Variants in AGMO observed in about 807,000 individuals in gnomAD.
AGMO encodes alkylglycerol monooxygenase.
In AGMO, 75 loss-of-function variants were observed where a neutral mutation model predicts 60.2. The observed-to-expected ratio is 1.25, with a 90% CI of 1.03 to 1.51. The LOEUF is 1.51. Among genes scored for constraint, AGMO ranks in the 40% most tolerant of loss-of-function variants. The pLI, the probability that AGMO is intolerant of heterozygous loss-of-function variation, is 0.00. For synonymous variants in AGMO, 261 were observed against 177.1 expected, an observed-to-expected ratio of 1.47 and a Z score of -3.76; for missense variants, 763 against 525.5, an observed-to-expected ratio of 1.45 and a Z score of -4.42.
chr7:15,197,041 A>G (rs1474158716), downstream of AGMO, among the ~76,000 whole-genome samples: 5 of 148,966 alleles, frequency 3.4e-5, no homozygotes, highest in South Asian at 6.3e-4. Context: ...AATGAATAGA[A>G]CGTTTTTTGT....
chr7:15,329,493 C>A (rs1261446788), intron 12 of AGMO, among the ~76,000 whole-genome samples: 4 of 152,136 alleles, frequency 2.6e-5, no homozygotes, highest in African/African-American at 9.7e-5. Context: ...ACAAAAAATA[C>A]GTCCTTAGTG....
At chr7:15,304,357 A>G (rs557404871) in intron 12 of AGMO, among the ~76,000 whole-genome samples, 2 of 151,948 alleles carry the variant, frequency 1.3e-5, no homozygotes, top group Non-Finnish European at 2.9e-5. Flanking sequence ...GTACCCAGCA[A>G]ACAGCTGTGG....
the AGMO span, among the ~76,000 whole-genome samples, chr7:15,143,818 A>G: frequency 6.6e-6 from 1 of 152,072 alleles, no homozygotes; most frequent in Non-Finnish European, 1.5e-5. Flanking sequence ...AGATTTTGAG[A>G]ATAGCTTTGG....
chr7:15,176,422 G>A, the AGMO span, among the ~76,000 whole-genome samples: 11 of 151,814 alleles, frequency 7.2e-5, no homozygotes, highest in Non-Finnish European at 1.3e-4. Flanking sequence ...TTTCTTCTTT[G>A]CAATCAGAAA....
intron 12 of AGMO, among the ~76,000 whole-genome samples, chr7:15,289,127 T>G (rs1784184297): frequency 1.3e-5 from 2 of 152,100 alleles, no homozygotes; most frequent in East Asian, 1.9e-4. Context: ...CAAAAAAAAA[T>G]CTTTACTGTT....
intron 10 of AGMO, among the ~76,000 whole-genome samples, chr7:15,369,959 A>G (rs954202095): frequency 2.0e-5 from 3 of 152,112 alleles, no homozygotes; most frequent in African/African-American, 7.2e-5. Flanking sequence ...GGTTTGTTAC[A>G]TTAGTATATT....
At chr7:15,348,057 A>T (rs1357154643) in intron 12 of AGMO, among the ~76,000 whole-genome samples, 2 of 152,090 alleles carry the variant, frequency 1.3e-5, no homozygotes, top group Non-Finnish European at 2.9e-5. Flanking sequence ...TTGATCTTCC[A>T]GGGTAACTTG....
intron 12 of AGMO, among the ~76,000 whole-genome samples, chr7:15,289,202 G>C (rs1046517842): frequency 2.0e-5 from 3 of 151,368 alleles, no homozygotes; most frequent in East Asian, 3.9e-4. Context: ...TTTGCTTTTT[G>C]TTTTGCATTA....
At chr7:15,250,872 G>A (rs914473964) in intron 12 of AGMO, among the ~76,000 whole-genome samples, 1 of 151,916 alleles carries the variant, frequency 6.6e-6, no homozygotes, top group Non-Finnish European at 1.5e-5. Flanking sequence ...TTGAACCCGG[G>A]AGGCAGACGT....
the AGMO span, among the ~76,000 whole-genome samples, chr7:15,131,757 A>AACACACACACACACAC: frequency 1.4e-4 from 21 of 146,360 alleles, no homozygotes; most frequent in Middle Eastern, 3.5e-3. Context: ...CAAAGAAATT[A>AACACACACACACACAC]ACACACACAC....
intron 12 of AGMO, among the ~76,000 whole-genome samples, chr7:15,354,473 CACACGTGTGTATAT>C (rs1782428863): frequency 1.8e-4 from 3 of 17,104 alleles, no homozygotes; most frequent in Admixed American, 6.9e-4. Context: ...TGTGTGTATA[CACACGTGTGTATAT>C]ACACACGTGT....
At chr7:15,299,502 G>C (rs913744520) in intron 12 of AGMO, among the ~76,000 whole-genome samples, 2 of 152,008 alleles carry the variant, frequency 1.3e-5, no homozygotes, top group Non-Finnish European at 2.9e-5. Flanking sequence ...CATTCACTAA[G>C]GGCTAATGCT....
chr7:15,223,555 G>A (rs890252166), intron 12 of AGMO, among the ~76,000 whole-genome samples: 7 of 151,998 alleles, frequency 4.6e-5, no homozygotes, highest in Non-Finnish European at 1.0e-4. Context: ...TGTCCAATAA[G>A]GGAGAAATAT....
At chr7:15,290,576 C>T (rs1381421095) in intron 12 of AGMO, among the ~76,000 whole-genome samples, 2 of 152,102 alleles carry the variant, frequency 1.3e-5, no homozygotes, top group Non-Finnish European at 2.9e-5. Flanking sequence ...CCATCTTGAA[C>T]ATAAGGAACA....
At position 15,268,487 on chromosome 7, in the gene AGMO, T is replaced by C. The variant is rs116112025; in HGVS notation, c.1264-67128A>G. Among the ~76,000 whole-genome samples, 441 of 152,116 alleles carry C rather than the reference T, an allele frequency of 2.9e-3. 3 individuals are homozygous for C. The highest frequency in any genetic ancestry group is 0.01 in the African/African-American group (420 of 41,536). On this transcript the variant is annotated intron_variant, in intron 12 of 12. Transcript: ENST00000342526. ...AAGAAAAATGTATGCATGCATTCCA[T>C]ATGGTCATGCAATTATATTTATTGT... is the stretch of plus-strand genomic sequence containing the variant.
At chr7:15,344,731 C>A (rs976117143) in intron 12 of AGMO, among the ~76,000 whole-genome samples, 1 of 152,074 alleles carries the variant, frequency 6.6e-6, no homozygotes, top group Non-Finnish European at 1.5e-5. Context: ...CACGTGGATG[C>A]AGATTTTCTT....
intron 9 of AGMO, among the ~76,000 whole-genome samples, chr7:15,386,199 A>AAAC (rs1554264713): frequency 6.6e-6 from 1 of 151,552 alleles, no homozygotes; most frequent in Admixed American, 6.6e-5. Flanking sequence ...AAAAGAAAAA[A>AAAC]AAGGTGATCT....
intron 3 of AGMO, among the ~76,000 whole-genome samples, chr7:15,489,091 A>C (rs2128520222): frequency 6.6e-6 from 1 of 152,300 alleles, no homozygotes; most frequent in East Asian, 1.9e-4. Flanking sequence ...CACTGCCATA[A>C]AAACATGAAC....
chr7:15,366,538 T>C (rs1165346062), intron 10 of AGMO, among the ~76,000 whole-genome samples: 2 of 152,090 alleles, frequency 1.3e-5, no homozygotes, highest in African/African-American at 2.4e-5. Flanking sequence ...TATGGATAAA[T>C]TACTCACATT....
Sources: gnomAD v4.1 joint callset for allele counts (sites outside exome capture counted in the v4.1 genomes callset) on GRCh38, gnomAD v4.1.1 for gene constraint, MANE v1.5 for transcripts, NCBI Gene and HGNC (gene_info 2026-07-23, HGNC 2026-07-21) for gene names.